Variants in RP1L1 observed in about 807,000 individuals in gnomAD.
The protein encoded by RP1L1 is retinitis pigmentosa 1-like 1 protein.
A neutral mutation model predicts 15.7 loss-of-function variants in RP1L1; 27 were observed. That is an observed-to-expected ratio of 1.72 (90% CI 1.27 to 2.38). The LOEUF is 2.38. RP1L1 is among the 30% of genes most tolerant of loss of function. The pLI is 0.00. For synonymous variants in RP1L1, 1,813 were observed against 1,276.7 expected (o/e 1.42, Z -8.96); for missense variants, 4,798 against 3,075.9 (o/e 1.56, Z -13.24).
intron 1 of RP1L1, among the ~76,000 whole-genome samples, chr8:10,643,100 G>GC (rs1798430340): frequency 6.6e-6 from 1 of 152,138 alleles, no homozygotes; most frequent in African/African-American, 2.4e-5. Flanking sequence ...ACTTTGGGAG[G>GC]CCAAGGCAGG....
intron 1 of RP1L1, among the ~76,000 whole-genome samples, chr8:10,640,672 T>C (rs1798393664): frequency 6.6e-6 from 1 of 150,850 alleles, no homozygotes; most frequent in East Asian, 1.9e-4. Context: ...ATAATAATTA[T>C]TATTATTAAT....
At chr8:10,643,839 C>T (rs976822747) in intron 1 of RP1L1, among the ~76,000 whole-genome samples, 7 of 151,848 alleles carry the variant, frequency 4.6e-5, no homozygotes, top group African/African-American at 1.2e-4. Context: ...AGGAACATGT[C>T]GATAGTGCCA....
At chr8:10,629,995 T>C (rs1585987834) in intron 1 of RP1L1, among the ~76,000 whole-genome samples, 1 of 152,314 alleles carries the variant, frequency 6.6e-6, no homozygotes, top group East Asian at 1.9e-4. Flanking sequence ...TTCTCCAATC[T>C]GTTTTGCCTT....
intron 1 of RP1L1, among the ~76,000 whole-genome samples, chr8:10,625,357 C>T (rs576576280): frequency 1.3e-5 from 2 of 152,244 alleles, no homozygotes; most frequent in South Asian, 2.1e-4. Context: ...TCACCTGGGG[C>T]GTGAGTCCAG....
At chr8:10,621,643 T>G in intron 2 of RP1L1, 1 of 456,068 alleles carries the variant, frequency 2.2e-6, no homozygotes, top group South Asian at 1.5e-5. Context: ...ATTTATGAAG[T>G]ATTGGTGGAA....
chr8:10,607,794 C>G lies in RP1L1; in HGVS notation c.6304G>C (p.Glu2102Gln). The G allele has an allele frequency of 6.2e-7, 1 of 1,608,296 alleles. No individual in the cohort carries two copies. Among genetic ancestry groups the G allele is most frequent in the Non-Finnish European group, 8.5e-7 (1 of 1,176,556 alleles). ...GEAQPESEGV[E>Q]APEAEGEAQK... ...GCCTCCCCTTCTGCCTCTGGGGCCT[C>G]TACACCTTCTGATTCTGGCTGGGCC... Residue 2102 changes from glutamate (E) to glutamine (Q), a missense_variant, in exon 4 of 4, where the codon GAG becomes CAG. Transcript: ENST00000382483.
Position 10,616,543 on chromosome 8 carries a change from C to G in RP1L1, c.654G>C (p.Val218=). 1 of 1,614,062 alleles carries G rather than the reference C, an allele frequency of 6.2e-7. No individual in the cohort carries two copies. Among genetic ancestry groups the G allele is most frequent in the Non-Finnish European group, 8.5e-7 (1 of 1,180,044 alleles). Reference sequence around the variant, plus strand: ...TTCTGAAGGCCTCATGCCCGGCACACACCAGCACAGAGGGGCTGTGCAGCA... The same window carrying G: ...TTCTGAAGGCCTCATGCCCGGCACAGACCAGCACAGAGGGGCTGTGCAGCA... ...QALLHSPSVL[V]CAGHEAFRTP... The change falls in exon 3 of 4, where the codon GTG becomes GTC. Residue 218 remains valine, a synonymous_variant. Transcript: ENST00000382483.
At chr8:10,613,600 C>CTA (rs1797917626) in intron 3 of RP1L1, among the ~76,000 whole-genome samples, 2 of 62,370 alleles carry the variant, frequency 3.2e-5, no homozygotes, top group Non-Finnish European at 5.7e-5. Flanking sequence ...ACCATCTCTC[C>CTA]AAAAAAAAAA....
intron 2 of RP1L1, among the ~76,000 whole-genome samples, chr8:10,618,076 A>C (rs1797999493): frequency 6.6e-6 from 1 of 152,216 alleles, no homozygotes; most frequent in Non-Finnish European, 1.5e-5. Context: ...TCCATCTTTA[A>C]AGCACAGAGC....
Position 10,646,877 on chromosome 8 carries a change from T to G in RP1L1, c.-20+8021A>C, listed in dbSNP as rs79346142. Reference sequence around the variant, plus strand: ...AAAGATGGGTATTAAAGGCCTATTGTGTGTCCCCAGCTCTTAGGCACTTGC... The same window carrying G: ...AAAGATGGGTATTAAAGGCCTATTGGGTGTCCCCAGCTCTTAGGCACTTGC... On this transcript the variant is annotated intron_variant, in intron 1 of 3. Transcript: ENST00000382483. Among the ~76,000 whole-genome samples, 860 of 152,380 alleles carry G rather than the reference T, an allele frequency of 5.6e-3. 6 individuals are homozygous for G. Among genetic ancestry groups the G allele is most frequent in the African/African-American group, 0.018 (737 of 41,600 alleles).
rs1373902688 is a variant in RP1L1, at chr8:10,612,807, G to C, written c.1291C>G (p.His431Asp). 1 of 1,611,518 alleles carries C rather than the reference G, an allele frequency of 6.2e-7. No individual in the cohort carries two copies. Among genetic ancestry groups the C allele is most frequent in the Non-Finnish European group, 8.5e-7 (1 of 1,179,892 alleles). Residue 431 changes from histidine to aspartate, a missense_variant, in exon 4 of 4, where the codon CAC (histidine) becomes GAC (aspartate). By Grantham distance (81) the His-to-Asp change is moderately conservative. Transcript: ENST00000382483. ...CCCCACAGGCCACTGCAGCGGACGT[G>C]CTGGGCCAGTCCCCACCTCTTCCGA... ...AARKRWGLAQ[H>D]VRCSGLWGHG...
chr8:10,635,298 C>T lies in RP1L1; in HGVS notation c.-19-12078G>A, dbSNP rs182222811. 9.4e-5 allele frequency among the ~76,000 whole-genome samples: 13 copies of T among 138,124 alleles called. No individual in the cohort carries two copies. In the East Asian group the frequency reaches 1.4e-3, roughly 14 times the overall value. 90.6% of individuals were successfully genotyped at this position (138,124 alleles called of 152,430 possible). The stretch of plus-strand genomic sequence containing the variant: ...GCAGCCCATAATTCTATCACCTTCT[C>T]TAAGAGGGGACCCTTCTGGGCATCC... On this transcript the variant is annotated intron_variant, in intron 1 of 3. Coordinates refer to ENST00000382483, the MANE Select transcript of RP1L1 (RefSeq NM_178857.6).
chr8:10,610,881 G>T lies in RP1L1; in HGVS notation c.3217C>A (p.Arg1073=). 6.2e-7 allele frequency: 1 copy of T among 1,609,046 alleles called. No individual in the cohort carries two copies. ...EAPAGCRVSL[R]ALPGRVSAST... Reference sequence around the variant, plus strand: ...GCAGACACCCGGCCAGGAAGTGCCCGCAGGCTCACCCTGCAGCCTGCTGGG... The same window carrying T: ...GCAGACACCCGGCCAGGAAGTGCCCTCAGGCTCACCCTGCAGCCTGCTGGG... The change falls in exon 4 of 4, where the codon CGG becomes AGG. Residue 1073 remains arginine (R), a synonymous_variant. Transcript: ENST00000382483.
At chr8:10,632,184 G>A (rs566781207) in intron 1 of RP1L1, among the ~76,000 whole-genome samples, 16 of 152,244 alleles carry the variant, frequency 1.1e-4, no homozygotes, top group Admixed American at 7.2e-4. Flanking sequence ...AACAAACAAC[G>A]GGAAGCAACC....
chr8:10,618,684 C>G (rs1798011549), intron 2 of RP1L1, among the ~76,000 whole-genome samples: 1 of 152,048 alleles, frequency 6.6e-6, no homozygotes, highest in Non-Finnish European at 1.5e-5. Flanking sequence ...AGAACCAGAC[C>G]CTGTCTCAAA....
chr8:10,633,521 C>T (rs139339972), intron 1 of RP1L1, among the ~76,000 whole-genome samples: 74 of 152,292 alleles, frequency 4.9e-4, no homozygotes, highest in East Asian at 2.3e-3. Context: ...CATGCTTCGC[C>T]CCACAAACAC....
At chr8:10,622,439 G>T (rs1289520594) in intron 2 of RP1L1, among the ~76,000 whole-genome samples, 154 bp downstream of exon 2, 2 of 151,414 alleles carry the variant, frequency 1.3e-5, no homozygotes, top group Non-Finnish European at 2.9e-5. Context: ...TTGATTTATT[G>T]ACTTGACTGA....
Position 10,607,124 on chromosome 8 carries a change from C to A in RP1L1, c.6974G>T (p.Ser2325Ile). Residue 2325 changes from serine (S) to isoleucine (I), a missense_variant, in exon 4 of 4, where the codon AGC becomes ATC. Physicochemically the swap from Ser to Ile is moderately radical, Grantham distance 142 (BLOSUM62 -2). Transcript: ENST00000382483. ...ENDHVLGDTR[S>I]PDAKSTGTPH... Reference sequence around the variant, plus strand: ...GGTCCCCGTGGACTTGGCATCAGGGCTCCTTGTGTCTCCAAGTACATGGTC... The same window carrying A: ...GGTCCCCGTGGACTTGGCATCAGGGATCCTTGTGTCTCCAAGTACATGGTC... The A allele has an allele frequency of 6.2e-7, 1 of 1,614,250 alleles. No individual in the cohort carries two copies. The highest frequency in any genetic ancestry group is 8.5e-7 in the Non-Finnish European group (1 of 1,180,048).
In RP1L1 at chr8:10,610,334, T is replaced by G; in HGVS notation, c.3764A>C (p.Gln1255Pro). Residue 1255 changes from glutamine to proline, a missense_variant, in exon 4 of 4, where the codon CAG (glutamine) becomes CCG (proline). Physicochemically the swap from Gln to Pro is moderately conservative, Grantham distance 76 (BLOSUM62 -1). Transcript: ENST00000382483. ...GTTCAAGAAGGTTGGGAAACAACAC[T>G]GCTGTTGGTTTTCCAGATCCCCTGG... ...ESPGDLENQQQCCFPTFLNAR... is the reference protein window; with the variant it reads ...ESPGDLENQQPCCFPTFLNAR... 1 of 1,614,176 alleles carries G rather than the reference T, an allele frequency of 6.2e-7. No individual in the cohort carries two copies. The highest frequency in any genetic ancestry group is 8.5e-7 in the Non-Finnish European group (1 of 1,180,048).
Sources: gnomAD v4.1 joint callset for allele counts (sites outside exome capture counted in the v4.1 genomes callset) on GRCh38, gnomAD v4.1.1 for gene constraint, MANE v1.5 for transcripts, NCBI Gene and HGNC (gene_info 2026-07-23, HGNC 2026-07-21) for gene names.